The following ZNF516 variants were observed in gnomAD, a reference collection of about 807,000 sequenced individuals.
The protein encoded by ZNF516 is zinc finger protein 516.
ZNF516 carries 19 observed loss-of-function variants against 79.7 expected under a neutral mutation model. That is an observed-to-expected ratio of 0.24 (90% CI 0.17 to 0.35). ZNF516 has a LOEUF of 0.35. Among genes scored for constraint, ZNF516 ranks in the 10% least tolerant of loss-of-function variants. ZNF516 has a pLI of 1.00. For missense variants in ZNF516, 1,678 were observed against 1,679.5 expected, an observed-to-expected ratio of 1.00 and a Z score of 0.02; for synonymous variants, 877 against 739.5, an observed-to-expected ratio of 1.19 and a Z score of -3.02.
chr18:76,495,691 C>A, upstream of ZNF516: 2 of 1,193,304 alleles, frequency 1.7e-6, no homozygotes, highest in South Asian at 1.4e-5. Flanking sequence ...CGCATCCATA[C>A]GTACAGACGT....
At position 76,459,672 on chromosome 18, in the gene ZNF516, G is replaced by A. The variant is rs9966838; in HGVS notation, c.-158+3356C>T. On this transcript the variant is annotated intron_variant, in intron 2 of 6. Coordinates refer to ENST00000443185, the MANE Select transcript of ZNF516 (RefSeq NM_014643.4). This position sits in a 1 kb window ranked among gnomAD's most constrained non-coding sequence, Gnocchi z 5.0. ...GCCCAGCCTCCCCTGGACCTGATGC[G>A]GGGCTTCAGGAAGTGGCAGGGCAGG... Among the ~76,000 whole-genome samples the A allele has an allele frequency of 0.021, 3,125 of 152,254 alleles. 122 individuals carry two copies. Among genetic ancestry groups the A allele is most frequent in the African/African-American group, 0.071 (2,965 of 41,526 alleles).
At chr18:76,417,533 A>C (rs2075447790) in intron 3 of ZNF516, among the ~76,000 whole-genome samples, 1 of 152,254 alleles carries the variant, frequency 6.6e-6, no homozygotes, top group African/African-American at 2.4e-5. Flanking sequence ...ACGGATTTTT[A>C]CCTTAATGTA....
intron 3 of ZNF516, among the ~76,000 whole-genome samples, chr18:76,406,448 C>A (rs1231159904): frequency 6.6e-6 from 1 of 152,178 alleles, no homozygotes; most frequent in African/African-American, 2.4e-5. Context: ...CCTGTAATCC[C>A]AGCTACTCAG....
chr18:76,374,462 T>A (rs2074754870), intron 4 of ZNF516, among the ~76,000 whole-genome samples: 1 of 152,236 alleles, frequency 6.6e-6, no homozygotes, highest in Non-Finnish European at 1.5e-5. Context: ...CTTTCCTTCC[T>A]GTTTGGGTAG....
chr18:76,469,524 G>GT (rs1250012865), intron 1 of ZNF516, among the ~76,000 whole-genome samples: 1 of 152,090 alleles, frequency 6.6e-6, no homozygotes, highest in Non-Finnish European at 1.5e-5. Context: ...TTCTTTCAGT[G>GT]TAAGAAGAAA....
chr18:76,486,641 C>T (rs1047865251), intron 1 of ZNF516, among the ~76,000 whole-genome samples: 1 of 150,082 alleles, frequency 6.7e-6, no homozygotes, highest in African/African-American at 2.5e-5. Flanking sequence ...CCAGCACCAG[C>T]AACTCCCCAG....
intron 2 of ZNF516, among the ~76,000 whole-genome samples, chr18:76,446,479 G>T (rs193126351): frequency 6.6e-6 from 1 of 152,338 alleles, no homozygotes; most frequent in East Asian, 1.9e-4. Context: ...AGATGGCACA[G>T]TATCAAGGAG....
At chr18:76,399,335 C>T (rs2075187457) in intron 3 of ZNF516, among the ~76,000 whole-genome samples, 1 of 152,188 alleles carries the variant, frequency 6.6e-6, no homozygotes, top group South Asian at 2.1e-4. Context: ...TCAGTTTGCA[C>T]CTTCAACAAT....
intron 2 of ZNF516, among the ~76,000 whole-genome samples, chr18:76,449,549 A>C (rs992847331): frequency 6.6e-6 from 1 of 152,248 alleles, no homozygotes; most frequent in Non-Finnish European, 1.5e-5. Flanking sequence ...GACCCTGAGC[A>C]AGTGTCTTAG....
Position 76,442,087 on chromosome 18 carries a change from T to A in ZNF516, c.968A>T (p.Gln323Leu), listed in dbSNP as rs746123627. The change falls in exon 3 of 7, where the codon CAG becomes CTG. Residue 323 changes from glutamine (Q) to leucine (L), a missense_variant. By Grantham distance (113) the Gln-to-Leu change is moderately radical. Transcript: ENST00000443185. ...CAGGCCGGCGACGATCACCTCCTCC[T>A]GGACCACGTTGTTGATGGTGGCGAT... ...DPIATINNVV[Q>L]EEVIVAGLSL... 2 of 1,614,010 alleles carry A rather than the reference T, an allele frequency of 1.2e-6. No homozygotes were observed. Among genetic ancestry groups the A allele is most frequent in the African/African-American group, 1.3e-5 (1 of 75,070 alleles).
At position 76,380,397 on chromosome 18, in the gene ZNF516, ATCTG is replaced by A. The variant is rs1383476632; in HGVS notation, c.1811-98_1811-95del. On this transcript the variant is annotated intron_variant, in intron 3 of 6. Transcript: ENST00000443185. ...GTACAGCTACAGCATGTTCCAAGCC[ATCTG>A]TCTTCAGCGGGAGAAGCCACCCTTG... 1.7e-5 allele frequency: 26 copies of A among 1,490,764 alleles called. No homozygotes were observed. The Admixed American group carries it at 5.1e-4, about 29-fold the overall frequency. The allele number at this position is 1,490,764 out of a possible 1,614,324, so 92.3% of individuals were successfully genotyped here.
In ZNF516 at chr18:76,443,175, C is replaced by G; in HGVS notation, c.-121G>C. The G allele has an allele frequency of 7.2e-7, 1 of 1,394,582 alleles. No homozygotes were observed. The highest frequency in any genetic ancestry group is 2.6e-5 in the East Asian group (1 of 38,282). 86.4% of individuals were successfully genotyped at this position (1,394,582 alleles called of 1,614,324 possible). A position where few individuals can be genotyped will look rare whatever the true frequency, so the allele number is the denominator to read the frequency against. ...ACGTGCCTGCTCCCAGGAGGTGCAC[C>G]TTCTACATGGGGGGCGCAGCAGCTG... On this transcript the variant is annotated 5_prime_UTR_variant, in exon 3 of 7. Coordinates refer to ENST00000443185, the MANE Select transcript of ZNF516 (RefSeq NM_014643.4).
At chr18:76,444,827 T>C (rs1227365141) in intron 2 of ZNF516, among the ~76,000 whole-genome samples, 2 of 152,248 alleles carry the variant, frequency 1.3e-5, no homozygotes, top group Non-Finnish European at 2.9e-5. Flanking sequence ...AGGAGCCTTC[T>C]GAAAAGACAG....
At chr18:76,468,248 G>C (rs889749536) in intron 1 of ZNF516, among the ~76,000 whole-genome samples, 1 of 152,164 alleles carries the variant, frequency 6.6e-6, no homozygotes, top group African/African-American at 2.4e-5. Context: ...GTGATTTGGA[G>C]CAGCCCCGTG....
chr18:76,385,663 G>C (rs7243155), intron 3 of ZNF516: 76,939 of 151,994 alleles, frequency 0.51, 21,212 homozygotes, highest in Non-Finnish European at 0.6. Context: ...AGGACCCCAG[G>C]AGCGCCCTGC....
chr18:76,390,746 C>A (rs905695784), intron 3 of ZNF516, among the ~76,000 whole-genome samples: 1 of 152,164 alleles, frequency 6.6e-6, no homozygotes, highest in African/African-American at 2.4e-5. Context: ...GCACTGCATT[C>A]CCCAGCCAGA....
intron 1 of ZNF516, among the ~76,000 whole-genome samples, chr18:76,494,259 TGTTA>T (rs960342507): frequency 1.9e-4 from 29 of 152,344 alleles, no homozygotes; most frequent in African/African-American, 6.7e-4. Context: ...CTATTCAGTC[TGTTA>T]GTTCTCCCTG....
intron 4 of ZNF516, among the ~76,000 whole-genome samples, chr18:76,371,818 AG>A (rs1555696081): frequency 2.0e-5 from 3 of 152,236 alleles, no homozygotes; most frequent in Non-Finnish European, 4.4e-5. Context: ...TCCCTGGGAC[AG>A]GAGGTGCCCG....
chr18:76,422,736 GAT>G (rs1241649144), intron 3 of ZNF516, among the ~76,000 whole-genome samples: 2 of 152,044 alleles, frequency 1.3e-5, no homozygotes, highest in African/African-American at 4.8e-5. Context: ...GGGAGGAGAA[GAT>G]ATGAATTCCA....
Sources: allele counts gnomAD v4.1 joint callset (sites outside exome capture counted in the v4.1 genomes callset), GRCh38; gene constraint gnomAD v4.1.1; non-coding constraint Gnocchi (gnomAD v3.1); transcripts MANE v1.5; gene names NCBI Gene and HGNC (gene_info 2026-07-23, HGNC 2026-07-21).